CNTNAP2: variants seen among roughly 807,000 people sequenced by gnomAD.
CNTNAP2 encodes contactin-associated protein-like 2.
A neutral mutation model predicts 155.2 loss-of-function variants in CNTNAP2; 98 were observed. The ratio of observed to expected loss-of-function variants is 0.63; its 90% CI spans 0.54 to 0.75. CNTNAP2 has a LOEUF of 0.75. Among genes scored for constraint, CNTNAP2 ranks in the 30% least tolerant of loss-of-function variants. CNTNAP2 has a pLI of 0.00. For missense variants in CNTNAP2, 1,727 were observed against 1,688.1 expected, an observed-to-expected ratio of 1.02 and a Z score of -0.40; for synonymous variants, 651 against 631.2, an observed-to-expected ratio of 1.03 and a Z score of -0.47.
chr7:148,149,510 A>T (rs1433926003), intron 17 of CNTNAP2, among the ~76,000 whole-genome samples: 1 of 152,136 alleles, frequency 6.6e-6, no homozygotes. Context: ...ATGGCAAATA[A>T]TATCAAGCAC....
intron 1 of CNTNAP2, among the ~76,000 whole-genome samples, chr7:146,528,184 C>A (rs1418169296): frequency 2.6e-5 from 4 of 152,046 alleles, no homozygotes; most frequent in African/African-American, 9.7e-5. Flanking sequence ...GAAATCCACC[C>A]TGGAGAAGAC....
chr7:147,009,588 G>C (rs947949878), intron 3 of CNTNAP2, among the ~76,000 whole-genome samples: 1 of 152,072 alleles, frequency 6.6e-6, no homozygotes, highest in Non-Finnish European at 1.5e-5. Context: ...CAATTCAATT[G>C]AATGAAAGGA....
Position 147,639,538 on chromosome 7 carries a change from G to T in CNTNAP2, c.2098+232G>T, listed in dbSNP as rs13438666. Among the ~76,000 whole-genome samples, 4,203 of 152,284 alleles carry T rather than the reference G, an allele frequency of 0.028. 195 individuals carry two copies. The highest frequency in any genetic ancestry group is 0.096 in the African/African-American group (3,971 of 41,546). ...TTTTAAACTTACGGATTTTTAAATT[G>T]TATGTGCATATATGTTTCTAGTGCT... On this transcript the variant is annotated intron_variant, in intron 13 of 23. Coordinates refer to ENST00000361727, the MANE Select transcript of CNTNAP2 (RefSeq NM_014141.6).
At chr7:148,297,006 A>G (rs1358561070) in intron 21 of CNTNAP2, among the ~76,000 whole-genome samples, 2 of 152,198 alleles carry the variant, frequency 1.3e-5, no homozygotes, top group Non-Finnish European at 2.9e-5. Flanking sequence ...GAGATAAAGA[A>G]CACTCAAGAC....
intron 1 of CNTNAP2, among the ~76,000 whole-genome samples, chr7:146,267,643 G>A (rs1330375815): frequency 5.9e-5 from 9 of 152,130 alleles, no homozygotes; most frequent in Non-Finnish European, 1.0e-4. Context: ...GGGTGAAAGC[G>A]CCAGCTAATG....
chr7:146,561,316 C>A (rs138057203), intron 1 of CNTNAP2, among the ~76,000 whole-genome samples: 116 of 152,186 alleles, frequency 7.6e-4, no homozygotes, highest in African/African-American at 2.7e-3. Flanking sequence ...GGGGCCATTA[C>A]AAAAGTATGG....
At chr7:147,507,570 TTTTTTG>T (rs1416414844) in intron 11 of CNTNAP2, among the ~76,000 whole-genome samples, 8 of 142,742 alleles carry the variant, frequency 5.6e-5, no homozygotes, top group African/African-American at 8.0e-5. Context: ...TTTTTTTTTT[TTTTTTG>T]GAGTCTCGCT....
At chr7:147,353,560 G>A (rs554608884) in intron 9 of CNTNAP2, among the ~76,000 whole-genome samples, 43 of 152,148 alleles carry the variant, frequency 2.8e-4, no homozygotes, top group Non-Finnish European at 5.7e-4. Context: ...TGGGCATTTG[G>A]GTTGGTTCCA....
chr7:147,286,301 GTAA>G (rs1245831952), intron 8 of CNTNAP2, among the ~76,000 whole-genome samples: 1 of 151,910 alleles, frequency 6.6e-6, no homozygotes, highest in Admixed American at 6.6e-5. Context: ...TTAAGAAATT[GTAA>G]TAATAATAAT....
chr7:148,413,593 A>C, intron 23 of CNTNAP2, among the ~76,000 whole-genome samples: 1 of 151,094 alleles, frequency 6.6e-6, no homozygotes, highest in Non-Finnish European at 1.5e-5. Context: ...AATGCTTGTT[A>C]GTAGTATTGT....
intron 10 of CNTNAP2, among the ~76,000 whole-genome samples, chr7:147,421,279 T>C (rs371506086): frequency 7.2e-5 from 11 of 152,000 alleles, no homozygotes; most frequent in East Asian, 3.9e-4. Flanking sequence ...AACTCAGCCA[T>C]ATATATATAA....
At chr7:147,000,345 A>G (rs1798397303) in intron 3 of CNTNAP2, among the ~76,000 whole-genome samples, 1 of 151,866 alleles carries the variant, frequency 6.6e-6, no homozygotes, top group Non-Finnish European at 1.5e-5. Context: ...TTTTTACTTT[A>G]TCGTGAGGCA....
chr7:148,221,452 G>A (rs1795746540), intron 19 of CNTNAP2, among the ~76,000 whole-genome samples: 1 of 152,086 alleles, frequency 6.6e-6, no homozygotes, highest in South Asian at 2.1e-4. Context: ...GGCATCTCTG[G>A]AACTCTCAGT....
intron 10 of CNTNAP2, among the ~76,000 whole-genome samples, chr7:147,443,638 A>AT (rs768572366): frequency 4.9e-4 from 74 of 152,118 alleles, no homozygotes; most frequent in Non-Finnish European, 8.5e-4. Flanking sequence ...AATTTGTAAC[A>AT]TTTTTTTAGC....
At chr7:147,026,568 A>T (rs187657993) in intron 3 of CNTNAP2, among the ~76,000 whole-genome samples, 1 of 151,482 alleles carries the variant, frequency 6.6e-6, no homozygotes, top group East Asian at 1.9e-4. Flanking sequence ...CTCAAATAAC[A>T]CTGAGTTCAT....
At chr7:146,210,710 C>A (rs1799020610) in intron 1 of CNTNAP2, among the ~76,000 whole-genome samples, 1 of 152,064 alleles carries the variant, frequency 6.6e-6, no homozygotes, top group Admixed American at 6.6e-5. Context: ...AGCTATTATC[C>A]CCACTAACCA....
Position 147,482,154 on chromosome 7 carries a change from G to C in CNTNAP2, c.1671-3781G>C, listed in dbSNP as rs756745059. ...TAGGAATCTCAGTTCAGAAGAGACA[G>C]GTGCTCAACAAACCATTGCTAAGCA... On this transcript the variant is annotated intron_variant, in intron 10 of 23. Transcript: ENST00000361727. 8.1e-4 allele frequency among the ~76,000 whole-genome samples: 123 copies of C among 152,084 alleles called. 2 individuals carry two copies. The highest frequency in any genetic ancestry group is 3.4e-3 in the Middle Eastern group (1 of 294).
chr7:148,161,738 A>C (rs1805547053), intron 17 of CNTNAP2, among the ~76,000 whole-genome samples: 1 of 152,202 alleles, frequency 6.6e-6, no homozygotes, highest in Non-Finnish European at 1.5e-5. Flanking sequence ...CAAATCCAAT[A>C]GCCTGTTACT....
At chr7:147,783,342 A>AT (rs1563087604) in intron 13 of CNTNAP2, among the ~76,000 whole-genome samples, 1 of 152,186 alleles carries the variant, frequency 6.6e-6, no homozygotes, top group African/African-American at 2.4e-5. Flanking sequence ...TTGCAAGCAC[A>AT]TTTTAAGTTT....
Sources: allele counts gnomAD v4.1 joint callset (sites outside exome capture counted in the v4.1 genomes callset), GRCh38; gene constraint gnomAD v4.1.1; transcripts MANE v1.5; gene names NCBI Gene and HGNC (gene_info 2026-07-23, HGNC 2026-07-21).